Variants in SYT14 observed in about 807,000 individuals in gnomAD.
SYT14 encodes synaptotagmin-14.
SYT14 carries 32 observed loss-of-function variants against 74.2 expected under a neutral mutation model. The observed-to-expected ratio is 0.43, with a 90% confidence interval of 0.33 to 0.58. The LOEUF (loss-of-function observed/expected upper bound fraction) is 0.58, where lower values mean the gene tolerates loss of function less well. SYT14 is among the 20% of genes least tolerant of loss of function. The probability of loss-of-function intolerance (pLI) is 0.05; values close to 1 mark genes in which losing one functional copy is unlikely to be tolerated. For synonymous variants in SYT14, 298 were observed against 337.7 expected, an observed-to-expected ratio of 0.88 and a Z score of 1.29; for missense variants, 791 against 981.8, an observed-to-expected ratio of 0.81 and a Z score of 2.60.
intron 2 of SYT14, among the ~76,000 whole-genome samples, chr1:210,002,899 T>G (rs981544206): frequency 6.6e-6 from 1 of 152,166 alleles, no homozygotes; most frequent in Non-Finnish European, 1.5e-5. Flanking sequence ...TGGGCTTGCC[T>G]AGTCATTATA....
intron 7 of SYT14, among the ~76,000 whole-genome samples, chr1:210,106,807 TCA>T (rs1356502586): frequency 2.0e-5 from 3 of 151,916 alleles, no homozygotes; most frequent in Non-Finnish European, 4.4e-5. Context: ...TCTCATGCCC[TCA>T]CATTTCAAAA....
At chr1:210,058,846 G>T (rs1367948326) in intron 5 of SYT14, among the ~76,000 whole-genome samples, 1 of 152,162 alleles carries the variant, frequency 6.6e-6, no homozygotes, top group African/African-American at 2.4e-5. Flanking sequence ...GTCATTCAAG[G>T]TGCTGGATGG....
At chr1:210,087,733 T>C (rs2081765321) in intron 5 of SYT14, among the ~76,000 whole-genome samples, 1 of 152,186 alleles carries the variant, frequency 6.6e-6, no homozygotes, top group Non-Finnish European at 1.5e-5. Flanking sequence ...CTCCCTGGTA[T>C]GGACATGGAC....
rs577143798 is a variant in SYT14, at chr1:210,041,874, C to T, written c.1312+20620C>T. The stretch of plus-strand genomic sequence containing the variant: ...GTCCCCCAGGATTTAGGAAAGCTGC[C>T]CTAGGTAGATAGAGTCTTGTCTGTG... On this transcript the variant is annotated intron_variant, in intron 5 of 9. Coordinates refer to ENST00000637265, the Ensembl canonical transcript of SYT14. Among the ~76,000 whole-genome samples the T allele has an allele frequency of 2.6e-5, 4 of 152,008 alleles. No homozygotes were observed. The East Asian group carries it at 5.8e-4, about 22-fold the overall frequency.
intron 1 of SYT14, among the ~76,000 whole-genome samples, chr1:209,942,398 TGA>T (rs2078750154): frequency 8.1e-6 from 1 of 122,882 alleles, no homozygotes; most frequent in Non-Finnish European, 1.6e-5. Context: ...ATTTACCATC[TGA>T]GAGGCATTTT....
intron 7 of SYT14, among the ~76,000 whole-genome samples, chr1:210,106,596 A>G (rs1268570736): frequency 2.0e-5 from 3 of 152,148 alleles, no homozygotes; most frequent in Non-Finnish European, 2.9e-5. Flanking sequence ...AAGGGGGAAA[A>G]GCCCCTTATA....
intron 1 of SYT14, among the ~76,000 whole-genome samples, chr1:209,944,426 T>C (rs557789570): frequency 2.6e-5 from 4 of 152,320 alleles, no homozygotes; most frequent in Non-Finnish European, 5.9e-5. Flanking sequence ...AAAAGACTAT[T>C]GAATAAATTC....
At chr1:210,048,000 T>C (rs1179954399) in intron 5 of SYT14, among the ~76,000 whole-genome samples, 1 of 152,206 alleles carries the variant, frequency 6.6e-6, no homozygotes, top group Non-Finnish European at 1.5e-5. Context: ...TCCACTAGAT[T>C]GCTCCATTTT....
intron 5 of SYT14, among the ~76,000 whole-genome samples, chr1:210,069,100 C>G (rs1037840731): frequency 1.3e-5 from 2 of 151,650 alleles, no homozygotes; most frequent in African/African-American, 2.4e-5. Context: ...TTTCTGAGTT[C>G]TAAGTTAAGT....
rs1220580938 is a variant in SYT14, at chr1:209,977,967, C to T, written c.-486+25211C>T. Among the ~76,000 whole-genome samples, 3 of 152,186 alleles carry T rather than the reference C, an allele frequency of 2.0e-5. No homozygotes were observed. In the South Asian group the frequency reaches 6.2e-4, roughly 32 times the overall value. ...TCATTTCATTCACTTGATCTTCCAT[C>T]ACTGATACCCTTTCTTCCAGTTAAT... On this transcript the variant is annotated intron_variant, in intron 2 of 9. Transcript: ENST00000637265.
At chr1:210,093,882 C>G (rs548825349) in intron 5 of SYT14, among the ~76,000 whole-genome samples, 1 of 152,226 alleles carries the variant, frequency 6.6e-6, no homozygotes, top group East Asian at 1.9e-4. Flanking sequence ...TAGGTGAGTT[C>G]TTGTTGAACA....
rs146280011 is a variant in SYT14 at position 210,070,011 on chromosome 1, T to G, written c.1313-24311T>G. ...TTCACATTAAAGTTGAGTTTACTAA[T>G]GAGATCCTAGCATATTAATGTAAAA... On this transcript the variant is annotated intron_variant, in intron 5 of 9. Coordinates refer to ENST00000637265, the Ensembl canonical transcript of SYT14. Among the ~76,000 whole-genome samples the G allele has an allele frequency of 2.6e-3, 395 of 152,194 alleles. 2 individuals carry two copies. Among genetic ancestry groups the G allele is most frequent in the African/African-American group, 8.7e-3 (362 of 41,566 alleles).
exon 10 of SYT14, chr1:210,167,069 T>G (rs1420620563): frequency 6.6e-6 from 1 of 152,204 alleles, no homozygotes; most frequent in African/African-American, 2.4e-5. Context: ...CTATCACTGT[T>G]CAAATATTTC....
intron 2 of SYT14, among the ~76,000 whole-genome samples, chr1:210,004,381 G>A (rs1327990050): frequency 6.6e-6 from 1 of 151,954 alleles, no homozygotes; most frequent in Non-Finnish European, 1.5e-5. Context: ...ATTGGTAAAG[G>A]TATTAAGTAA....
At chr1:210,082,640 A>T (rs2081638175) in intron 5 of SYT14, among the ~76,000 whole-genome samples, 1 of 152,174 alleles carries the variant, frequency 6.6e-6, no homozygotes, top group Non-Finnish European at 1.5e-5. Context: ...TTTGTTAAAG[A>T]TGGTTTGCAG....
chr1:210,099,943 A>G (rs2082031208), intron 6 of SYT14, 69 bp from the exon 6 acceptor site: 1 of 1,351,136 alleles, frequency 7.4e-7, no homozygotes, highest in Admixed American at 2.0e-5. Flanking sequence ...AGAAATATCA[A>G]GTATTTATTT....
At chr1:210,002,742 T>G (rs909988250) in intron 2 of SYT14, among the ~76,000 whole-genome samples, 5 of 152,176 alleles carry the variant, frequency 3.3e-5, no homozygotes, top group African/African-American at 9.6e-5. Context: ...TGTTTTATCC[T>G]TCATGATAAG....
At chr1:210,059,429 TA>T (rs2081160492) in intron 5 of SYT14, among the ~76,000 whole-genome samples, 2 of 69,440 alleles carry the variant, frequency 2.9e-5, no homozygotes, top group South Asian at 5.5e-4. Context: ...CAAGAAAGAA[TA>T]TATATATATA....
chr1:209,963,742 A>G (rs564104586), intron 2 of SYT14, among the ~76,000 whole-genome samples: 49 of 152,322 alleles, frequency 3.2e-4, no homozygotes, highest in African/African-American at 1.2e-3. Flanking sequence ...AGAGTGATGA[A>G]TCTGATGAAA....
Sources: gnomAD v4.1 joint callset for allele counts (sites outside exome capture counted in the v4.1 genomes callset) on GRCh38, gnomAD v4.1.1 for gene constraint, MANE v1.5 for transcripts, NCBI Gene and HGNC (gene_info 2026-07-23, HGNC 2026-07-21) for gene names.